Variants in KCNQ1OT1 observed in about 807,000 individuals in gnomAD.
The protein encoded by KCNQ1OT1 is KCNQ1 antisense RNA 2 (non-protein coding).
At position 2,624,466 on chromosome 11, in the gene KCNQ1OT1, G is replaced by A; in HGVS notation, n.75529C>T. 1 of 398,300 alleles carries A rather than the reference G, an allele frequency of 2.5e-6. No individual in the cohort carries two copies. The highest frequency in any genetic ancestry group is 4.4e-6 in the Non-Finnish European group (1 of 225,998). 24.7% of individuals were successfully genotyped at this position (398,300 alleles called of 1,614,324 possible). On this transcript the variant is annotated non_coding_transcript_exon_variant, in exon 1 of 1. Coordinates refer to ENST00000597346, the Ensembl canonical transcript of KCNQ1OT1. The surrounding 1 kb of genome is among the most constrained non-coding windows in gnomAD (Gnocchi z 4.9). Reference sequence around the variant, plus strand: ...ATTTCTTTCATGAATCATGCCTTTGGTGTCATATCTAAAAAGCCATCACCA... The same window carrying A: ...ATTTCTTTCATGAATCATGCCTTTGATGTCATATCTAAAAAGCCATCACCA...
Position 2,679,828 on chromosome 11 carries a change from C to T in KCNQ1OT1, n.20167G>A. 2.5e-6 allele frequency: 1 copy of T among 398,602 alleles called. No individual in the cohort carries two copies. The highest frequency in any genetic ancestry group is 3.6e-5 in the East Asian group (1 of 28,084). The allele number at this position is 398,602 out of a possible 1,614,324, so 24.7% of individuals were successfully genotyped here. ...AGCACAAGGGGCCAGACTGCTGCTA[C>T]TTCTGAATTTTATAGGACATGCATT... On this transcript the variant is annotated non_coding_transcript_exon_variant, in exon 1 of 1. Transcript: ENST00000597346. The surrounding 1 kb of genome is among the most constrained non-coding windows in gnomAD (Gnocchi z 4.8).
In KCNQ1OT1 at chr11:2,690,977, C is replaced by T; in HGVS notation, n.9018G>A. 1 of 398,634 alleles carries T rather than the reference C, an allele frequency of 2.5e-6. No individual in the cohort carries two copies. Among genetic ancestry groups the T allele is most frequent in the Non-Finnish European group, 4.4e-6 (1 of 226,074 alleles). 24.7% of individuals were successfully genotyped at this position (398,634 alleles called of 1,614,324 possible). A position where few individuals can be genotyped will look rare whatever the true frequency, so the allele number is the denominator to read the frequency against. ...AGTCACGGGTATGTGTCAACAAAAG[C>T]CCACCAGACCATCAATGAAGTGGGC... On this transcript the variant is annotated non_coding_transcript_exon_variant, in exon 1 of 1. Coordinates refer to ENST00000597346, the Ensembl canonical transcript of KCNQ1OT1. This position sits in a 1 kb window ranked among gnomAD's most constrained non-coding sequence, Gnocchi z 5.1.
chr11:2,631,545 T>C, exon 1 of KCNQ1OT1: 1 of 398,648 alleles, frequency 2.5e-6, no homozygotes. Flanking sequence ...CAGTCGTTTT[T>C]AATTTTCTGT....
exon 1 of KCNQ1OT1, chr11:2,610,202 C>T (rs1848956358): frequency 5.0e-6 from 2 of 397,826 alleles, no homozygotes; most frequent in East Asian, 3.6e-5. Flanking sequence ...CTAGGGCTTA[C>T]CTTATGTATC....
chr11:2,696,075 A>T (rs543640279), exon 1 of KCNQ1OT1: 4 of 398,538 alleles, frequency 1.0e-5, no homozygotes, highest in Non-Finnish European at 1.8e-5. Flanking sequence ...GACCCTTGCC[A>T]TGATGGATTT....
At chr11:2,697,961 A>AT in exon 1 of KCNQ1OT1, 1 of 398,648 alleles carries the variant, frequency 2.5e-6, no homozygotes, top group Non-Finnish European at 4.4e-6. Context: ...TACACCCATA[A>AT]TCAAGCAACT....
At chr11:2,662,961 C>T in exon 1 of KCNQ1OT1, 1 of 398,724 alleles carries the variant, frequency 2.5e-6, no homozygotes, top group Non-Finnish European at 4.4e-6. Context: ...CCTGGGCCTC[C>T]TGCCTTTGCA....
rs1361806876 is a variant in KCNQ1OT1 at position 2,661,378 on chromosome 11, A to G, written n.38617T>C. 4 of 407,732 alleles carry G rather than the reference A, an allele frequency of 9.8e-6. No individual in the cohort carries two copies. Among genetic ancestry groups the G allele is most frequent in the Admixed American group, 4.0e-5 (1 of 24,732 alleles). The allele number at this position is 407,732 out of a possible 1,614,324, so 25.3% of individuals were successfully genotyped here. ...TGCAGAGGTGGGCCCAGGAATCATAATGTGAAGCCAGCTGTTGGAGGGACT... is the reference window on the plus strand; with the variant it reads ...TGCAGAGGTGGGCCCAGGAATCATAGTGTGAAGCCAGCTGTTGGAGGGACT... On this transcript the variant is annotated non_coding_transcript_exon_variant, in exon 1 of 1. Coordinates refer to ENST00000597346, the Ensembl canonical transcript of KCNQ1OT1. This position sits in a 1 kb window ranked among gnomAD's most constrained non-coding sequence, Gnocchi z 5.9.
chr11:2,648,180 G>C, exon 1 of KCNQ1OT1: 1 of 396,260 alleles, frequency 2.5e-6, no homozygotes, highest in Non-Finnish European at 4.4e-6. Flanking sequence ...GCTCTAGCCT[G>C]GGTGACAGAG....
exon 1 of KCNQ1OT1, chr11:2,696,311 T>TC: frequency 2.5e-6 from 1 of 398,650 alleles, no homozygotes; most frequent in Non-Finnish European, 4.4e-6. Context: ...GAATCCATAT[T>TC]CCTATTCCTC....
exon 1 of KCNQ1OT1, chr11:2,638,395 G>A (rs1849514526): frequency 6.6e-6 from 1 of 152,142 alleles, no homozygotes. Flanking sequence ...CTCAGCATTT[G>A]CTTGTCTATA....
Position 2,683,280 on chromosome 11 carries a change from A to G in KCNQ1OT1, n.16715T>C. The stretch of plus-strand genomic sequence containing the variant: ...GAACCTGTCAGCCTGAGTATGGGCA[A>G]TGGCGTTTTAGTTTGCAAAACCAGA... On this transcript the variant is annotated non_coding_transcript_exon_variant, in exon 1 of 1. Transcript: ENST00000597346. The surrounding 1 kb of genome is among the most constrained non-coding windows in gnomAD (Gnocchi z 4.7). 2.5e-6 allele frequency: 1 copy of G among 398,620 alleles called. No homozygotes were observed. Among genetic ancestry groups the G allele is most frequent in the Non-Finnish European group, 4.4e-6 (1 of 226,064 alleles). 24.7% of individuals were successfully genotyped at this position (398,620 alleles called of 1,614,324 possible).
rs781112710 is a variant in KCNQ1OT1 at position 2,654,061 on chromosome 11, G to A, written n.45934C>T. 2.5e-6 allele frequency: 1 copy of A among 398,736 alleles called. No individual in the cohort carries two copies. Among genetic ancestry groups the A allele is most frequent in the Non-Finnish European group, 4.4e-6 (1 of 226,138 alleles). 24.7% of individuals were successfully genotyped at this position (398,736 alleles called of 1,614,324 possible). A position where few individuals can be genotyped will look rare whatever the true frequency, so the allele number is the denominator to read the frequency against. Reference sequence around the variant, plus strand: ...GTTCCTGGCAGCTGTTGTGGGAATGGCTTTTACACTTTCCATCCATGTCCC... The same window carrying A: ...GTTCCTGGCAGCTGTTGTGGGAATGACTTTTACACTTTCCATCCATGTCCC... On this transcript the variant is annotated non_coding_transcript_exon_variant, in exon 1 of 1. Transcript: ENST00000597346. This position sits in a 1 kb window ranked among gnomAD's most constrained non-coding sequence, Gnocchi z 6.4.
At position 2,649,318 on chromosome 11, in the gene KCNQ1OT1, T is replaced by G. The variant is rs1480273736; in HGVS notation, n.50677A>C. On this transcript the variant is annotated non_coding_transcript_exon_variant, in exon 1 of 1. Transcript: ENST00000597346. ...TTGTTTTTCTTTGCAATTTTTTGGT[T>G]TTCTGTAGTGATAATCTTTTATTCC... The G allele has an allele frequency of 7.5e-6, 3 of 398,386 alleles. No homozygotes were observed. In the East Asian group the frequency reaches 1.1e-4, roughly 14 times the overall value. The allele number at this position is 398,386 out of a possible 1,614,324, so 24.7% of individuals were successfully genotyped here. A position where few individuals can be genotyped will look rare whatever the true frequency, so the allele number is the denominator to read the frequency against.
chr11:2,609,375 A>G (rs1848938457), exon 1 of KCNQ1OT1: 1 of 398,326 alleles, frequency 2.5e-6, no homozygotes, highest in South Asian at 1.3e-4. Context: ...CATTATATTC[A>G]GAAAAAGATA....
In KCNQ1OT1 at chr11:2,690,084, A is replaced by G. The variant is rs1433350331; in HGVS notation, n.9911T>C. On this transcript the variant is annotated non_coding_transcript_exon_variant, in exon 1 of 1. Coordinates refer to ENST00000597346, the Ensembl canonical transcript of KCNQ1OT1. The surrounding 1 kb of genome is among the most constrained non-coding windows in gnomAD (Gnocchi z 5.1). Reference sequence around the variant, plus strand: ...CTGCTTCTGTCTGGGCTGAAGGCACAGCAGGGACAATCGCTCTTCCGGGGT... The same window carrying G: ...CTGCTTCTGTCTGGGCTGAAGGCACGGCAGGGACAATCGCTCTTCCGGGGT... The G allele has an allele frequency of 2.0e-5, 8 of 398,780 alleles. No individual in the cohort carries two copies. The allele number at this position is 398,780 out of a possible 1,614,324, so 24.7% of individuals were successfully genotyped here. A position where few individuals can be genotyped will look rare whatever the true frequency, so the allele number is the denominator to read the frequency against.
In KCNQ1OT1 at chr11:2,647,378, A is replaced by G. The variant is rs998336976; in HGVS notation, n.52617T>C. The G allele has an allele frequency of 4.5e-5, 18 of 398,252 alleles. No homozygotes were observed. Among genetic ancestry groups the G allele is most frequent in the Non-Finnish European group, 6.6e-5 (15 of 225,996 alleles). 24.7% of individuals were successfully genotyped at this position (398,252 alleles called of 1,614,324 possible). A position where few individuals can be genotyped will look rare whatever the true frequency, so the allele number is the denominator to read the frequency against. On this transcript the variant is annotated non_coding_transcript_exon_variant, in exon 1 of 1. Transcript: ENST00000597346. The surrounding 1 kb of genome is among the most constrained non-coding windows in gnomAD (Gnocchi z 4.0). ...GATGTGCGATTGGATTCAGATTGCTAGTTTGTGTGTCTGTGTGTGTGTTTT... is the reference window on the plus strand; with the variant it reads ...GATGTGCGATTGGATTCAGATTGCTGGTTTGTGTGTCTGTGTGTGTGTTTT...
At chr11:2,615,551 C>T in exon 1 of KCNQ1OT1, 2 of 397,918 alleles carry the variant, frequency 5.0e-6, no homozygotes, top group Non-Finnish European at 8.9e-6. Context: ...CACAAATCCT[C>T]TTTAACACAT....
chr11:2,643,279 T>C, exon 1 of KCNQ1OT1: 1 of 398,350 alleles, frequency 2.5e-6, no homozygotes, highest in Non-Finnish European at 4.4e-6. Flanking sequence ...CCAAGATTAT[T>C]GTGTTGAAGT....
Sources: gnomAD v4.1 joint callset for allele counts on GRCh38, gnomAD v4.1.1 for gene constraint, Gnocchi (gnomAD v3.1) non-coding constraint, MANE v1.5 for transcripts, NCBI Gene and HGNC (gene_info 2026-07-23, HGNC 2026-07-21) for gene names.